Variants in PDIA6 observed in about 807,000 individuals in gnomAD.
PDIA6 encodes the protein protein disulfide-isomerase A6.
In PDIA6, 29 loss-of-function variants were observed where a neutral mutation model predicts 58.4. That is an observed-to-expected ratio of 0.50 (90% CI 0.37 to 0.68). PDIA6 has a LOEUF of 0.68. Among genes scored for constraint, PDIA6 ranks in the 30% least tolerant of loss-of-function variants. The probability of loss-of-function intolerance (pLI) is 0.00; values close to 1 mark genes in which losing one functional copy is unlikely to be tolerated. For synonymous variants in PDIA6, 192 were observed against 202.6 expected (o/e 0.95, Z 0.44); for missense variants, 480 against 551.0 (o/e 0.87, Z 1.29).
At chr2:10,791,087 T>C (rs1392799988) in intron 6 of PDIA6, among the ~76,000 whole-genome samples, 1 of 152,054 alleles carries the variant, frequency 6.6e-6, no homozygotes, top group Non-Finnish European at 1.5e-5. Flanking sequence ...CCTCAAGTGA[T>C]CCACCTCACC....
chr2:10,830,815 G>A (rs1667690813), intron 1 of PDIA6, among the ~76,000 whole-genome samples: 1 of 152,210 alleles, frequency 6.6e-6, no homozygotes, highest in African/African-American at 2.4e-5. Context: ...AGAGTGGGCT[G>A]GAGCTGAGGT....
chr2:10,832,525 C>T (rs1667738038), upstream of PDIA6: 1 of 738,358 alleles, frequency 1.4e-6, no homozygotes, highest in African/African-American at 1.9e-5. Context: ...GCGCTCTGCC[C>T]TTGCTCTGCG....
At chr2:10,813,136 C>T (rs561861549), upstream of PDIA6, among the ~76,000 whole-genome samples, 8 of 152,308 alleles carry the variant, frequency 5.3e-5, no homozygotes, top group South Asian at 1.4e-3. Flanking sequence ...TGTGTGCGCC[C>T]CCACCCTCTT....
At chr2:10,822,870 G>T (rs141803028) in intron 1 of PDIA6, among the ~76,000 whole-genome samples, 1 of 152,300 alleles carries the variant, frequency 6.6e-6, no homozygotes, top group Non-Finnish European at 1.5e-5. Context: ...AGCTGTGAGC[G>T]CAGCTTCCTG....
intron 1 of PDIA6, among the ~76,000 whole-genome samples, chr2:10,825,469 G>C (rs1337257677): frequency 6.6e-6 from 1 of 152,176 alleles, no homozygotes; most frequent in Non-Finnish European, 1.5e-5. Context: ...CAACAGAAGA[G>C]AAATAGACAA....
At chr2:10,832,585 C>T (rs1304560721), upstream of PDIA6, 1 of 208,374 alleles carries the variant, frequency 4.8e-6, no homozygotes, top group South Asian at 1.7e-4. Flanking sequence ...GCTCAGGACT[C>T]GTGCGCTTTT....
chr2:10,826,077 A>C (rs1308692280), intron 1 of PDIA6, among the ~76,000 whole-genome samples: 1 of 152,274 alleles, frequency 6.6e-6, no homozygotes, highest in Non-Finnish European at 1.5e-5. Context: ...TCAAATGTTC[A>C]TCACCTGACG....
At chr2:10,790,001 A>C in intron 7 of PDIA6, 112 bp from the exon 8 acceptor site, 1 of 779,702 alleles carries the variant, frequency 1.3e-6, no homozygotes, top group South Asian at 1.9e-5. Flanking sequence ...TTTTTTTTGA[A>C]GCAGTCTCAC....
intron 1 of PDIA6, among the ~76,000 whole-genome samples, chr2:10,824,273 T>G (rs1667487029): frequency 6.6e-6 from 1 of 152,128 alleles, no homozygotes; most frequent in African/African-American, 2.4e-5. Flanking sequence ...TAAAAAGAGC[T>G]GCTGTGCCCA....
chr2:10,827,116 T>G (rs569975595), intron 1 of PDIA6, among the ~76,000 whole-genome samples: 1 of 152,106 alleles, frequency 6.6e-6, no homozygotes, highest in African/African-American at 2.4e-5. Flanking sequence ...CAGGCTGGAG[T>G]GCAATGGCAC....
upstream of PDIA6, among the ~76,000 whole-genome samples, chr2:10,815,290 A>G (rs556867611): frequency 6.6e-6 from 1 of 152,326 alleles, no homozygotes; most frequent in Admixed American, 6.5e-5. Context: ...TATACGAGCA[A>G]CTGTCTCAGG....
intron 4 of PDIA6, among the ~76,000 whole-genome samples, chr2:10,795,672 C>T (rs1025945417): frequency 3.3e-5 from 5 of 152,222 alleles, no homozygotes; most frequent in African/African-American, 4.8e-5. Context: ...TTAGTTACGA[C>T]GCTGGAGTAT....
chr2:10,828,176 A>G (rs2148581770), intron 1 of PDIA6, among the ~76,000 whole-genome samples: 1 of 152,292 alleles, frequency 6.6e-6, no homozygotes, highest in Admixed American at 6.5e-5. Flanking sequence ...ATGGGTCTGG[A>G]CAGATGGAGA....
At position 10,784,302 on chromosome 2, in the gene PDIA6, G is replaced by A. The variant is rs1665587085; in HGVS notation, c.1279C>T (p.Leu427Phe). 2.5e-6 allele frequency: 4 copies of A among 1,613,342 alleles called. No homozygotes were observed. The highest frequency in any genetic ancestry group is 2.2e-5 in the East Asian group (1 of 44,830). The change falls in exon 13 of 13, where the codon CTC becomes TTC. Residue 427 changes from leucine (L) to phenylalanine (F), a missense_variant. By Grantham distance (22) the Leu-to-Phe change is conservative. Transcript: ENST00000272227. The stretch of plus-strand genomic sequence containing the variant: ...AAGTCATCAAGCTCCACATCACTGA[G>A]GTCAATGTCATCCTCCACGGGAAGC... ...GELPVEDDID[L>F]SDVELDDLGK...
intron 1 of PDIA6, among the ~76,000 whole-genome samples, chr2:10,809,640 G>A (rs1298556716): frequency 5.6e-5 from 3 of 53,692 alleles, no homozygotes; most frequent in South Asian, 6.7e-4. Flanking sequence ...AGCAAGACCC[G>A]GTCTCAAAAA....
chr2:10,837,587 G>A (rs972948473), exon 1 of PDIA6: 11 of 859,614 alleles, frequency 1.3e-5, no homozygotes, highest in Middle Eastern at 2.1e-4. Context: ...TTGGAGGCAG[G>A]GGCTGTGATT....
upstream of PDIA6, among the ~76,000 whole-genome samples, chr2:10,814,894 C>G (rs1667145990): frequency 6.6e-6 from 1 of 152,236 alleles, no homozygotes; most frequent in Non-Finnish European, 1.5e-5. Flanking sequence ...CCCACACTGC[C>G]AGTGCCCTTT....
chr2:10,812,578 G>A, intron 1 of PDIA6, 100 bp downstream of exon 1: 1 of 1,253,084 alleles, frequency 8.0e-7, no homozygotes, highest in Non-Finnish European at 1.1e-6. Context: ...GCCCACTTCC[G>A]GCCGCCTGCG....
exon 1 of PDIA6, chr2:10,832,322 TCTGCTCACACAGTGC>T (rs1319159246): frequency 2.7e-6 from 2 of 735,390 alleles, no homozygotes; most frequent in African/African-American, 3.8e-5. Context: ...TAAATTGTGT[TCTGCTCACACAGTGC>T]AATGCAGTGC....
Sources: allele counts gnomAD v4.1 joint callset (sites outside exome capture counted in the v4.1 genomes callset), GRCh38; gene constraint gnomAD v4.1.1; transcripts MANE v1.5; gene names NCBI Gene and HGNC (gene_info 2026-07-23, HGNC 2026-07-21).